The following SH3RF1 variants were observed in gnomAD, a reference collection of about 807,000 sequenced individuals.
SH3RF1 encodes SH3 domain containing ring finger 1, also known as E3 ubiquitin-protein ligase SH3RF1.
SH3RF1 carries 32 observed loss-of-function variants against 74.0 expected under a neutral mutation model. That is an observed-to-expected ratio of 0.43 (90% confidence interval 0.33 to 0.58). The LOEUF is 0.58. Ranked by LOEUF, SH3RF1 falls within the 20% of genes least tolerant of loss-of-function variation. The pLI, the probability that SH3RF1 is intolerant of heterozygous loss-of-function variation, is 0.05. For missense variants in SH3RF1, 954 were observed against 1,130.9 expected (o/e 0.84, Z 2.24); for synonymous variants, 396 against 439.6 (o/e 0.90, Z 1.24).
At chr4:169,123,343 A>G (rs1325701253) in intron 6 of SH3RF1, among the ~76,000 whole-genome samples, 1 of 152,234 alleles carries the variant, frequency 6.6e-6, no homozygotes, top group Non-Finnish European at 1.5e-5. Flanking sequence ...AACTGAGTGG[A>G]AAAAAATTTC....
At chr4:169,270,408 C>T (rs1731428325) in intron 1 of SH3RF1, among the ~76,000 whole-genome samples, 1 of 152,228 alleles carries the variant, frequency 6.6e-6, no homozygotes, top group Admixed American at 6.5e-5. Flanking sequence ...TACAGCCTCC[C>T]TCATCTCCGC....
At chr4:169,131,752 C>A (rs1470475911) in intron 5 of SH3RF1, among the ~76,000 whole-genome samples, 1 of 152,218 alleles carries the variant, frequency 6.6e-6, no homozygotes, top group Non-Finnish European at 1.5e-5. Flanking sequence ...CTTTCTGTAA[C>A]CAATCAGCCA....
At chr4:169,131,274 A>G (rs1454931914) in intron 5 of SH3RF1, among the ~76,000 whole-genome samples, 1 of 152,184 alleles carries the variant, frequency 6.6e-6, no homozygotes, top group Admixed American at 6.5e-5. Context: ...ATCTGTATCT[A>G]TTAGTCTATA....
intron 2 of SH3RF1, among the ~76,000 whole-genome samples, chr4:169,201,623 C>T (rs1413575082): frequency 6.6e-6 from 1 of 152,172 alleles, no homozygotes; most frequent in Non-Finnish European, 1.5e-5. Flanking sequence ...AGCATTTTGT[C>T]TCTTTAGGCA....
intron 2 of SH3RF1, among the ~76,000 whole-genome samples, chr4:169,173,999 T>TTACATA (rs1554007122): frequency 1.2e-4 from 18 of 149,180 alleles, no homozygotes; most frequent in Middle Eastern, 3.5e-3. Context: ...ATTTCCTGAG[T>TTACATA]TATATATATA....
chr4:169,157,736 ACTTTTTTTTT>A (rs1250616848), intron 2 of SH3RF1, among the ~76,000 whole-genome samples: 2 of 146,926 alleles, frequency 1.4e-5, no homozygotes, highest in African/African-American at 2.6e-5. Context: ...TCAAGCTTTT[ACTTTTTTTTT>A]CTTTTTTTTT....
chr4:169,224,218 T>C (rs1317255935), intron 2 of SH3RF1, among the ~76,000 whole-genome samples: 2 of 152,102 alleles, frequency 1.3e-5, no homozygotes, highest in Admixed American at 1.3e-4. Context: ...CTTGTGGTCA[T>C]AAATATGATT....
chr4:169,212,275 G>A (rs916595253), intron 2 of SH3RF1, among the ~76,000 whole-genome samples: 1 of 151,698 alleles, frequency 6.6e-6, no homozygotes, highest in Admixed American at 6.6e-5. Flanking sequence ...TGTTGGTCAG[G>A]CTGGTCTTAA....
Position 169,269,165 on chromosome 4 carries a change from T to G in SH3RF1, c.48A>C (p.Leu16=), listed in dbSNP as rs1363807922. 9 of 1,609,460 alleles carry G rather than the reference T, an allele frequency of 5.6e-6. No homozygotes were observed. In the South Asian group the frequency reaches 7.7e-5, roughly 14 times the overall value. ...CCTTCGCAGAAGCATCAAGGCGCTC[T>G]AGACACACCGGACACTCCAAAAGAT... ...LLDLLECPVC[L]ERLDASAKVL... Residue 16 remains leucine (L), a synonymous_variant, in exon 2 of 12, where the codon CTA becomes CTC. Coordinates refer to ENST00000284637, the MANE Select transcript of SH3RF1 (RefSeq NM_020870.4).
At chr4:169,153,867 T>A (rs546757159) in intron 4 of SH3RF1, among the ~76,000 whole-genome samples, 1 of 152,164 alleles carries the variant, frequency 6.6e-6, no homozygotes, top group Non-Finnish European at 1.5e-5. Context: ...TAAGTCAGAG[T>A]AAATAATCCT....
rs770333018 is a variant in SH3RF1, at chr4:169,156,582, C to A, written c.491G>T (p.Arg164Leu). 1 of 1,613,956 alleles carries A rather than the reference C, an allele frequency of 6.2e-7. No individual in the cohort carries two copies. The highest frequency in any genetic ancestry group is 8.5e-7 in the Non-Finnish European group (1 of 1,179,954). The change falls in exon 3 of 12, where the codon CGA (arginine) becomes CTA (leucine). Residue 164 changes from arginine to leucine, a missense_variant. Physicochemically the swap from Arg to Leu is moderately radical, Grantham distance 102 (BLOSUM62 -2). Around this residue, in one of 3 missense-constraint regions of SH3RF1, gnomAD observed 854 missense variants for 962.5 expected, o/e 0.89. Coordinates refer to ENST00000284637, the MANE Select transcript of SH3RF1 (RefSeq NM_020870.4). ...GTACCAATTTTCATCCACTTGTCTTCGCAAAATGATGATGTCACCTTTGCT... is the reference window on the plus strand; with the variant it reads ...GTACCAATTTTCATCCACTTGTCTTAGCAAAATGATGATGTCACCTTTGCT... ...KFSKGDIIIL[R>L]RQVDENWYHG...
intron 2 of SH3RF1, among the ~76,000 whole-genome samples, chr4:169,267,373 T>G (rs908954183): frequency 1.3e-5 from 2 of 152,224 alleles, no homozygotes; most frequent in African/African-American, 4.8e-5. Flanking sequence ...TTTATTAAGC[T>G]AAACAGACCT....
At chr4:169,193,801 C>G (rs1289891755) in intron 2 of SH3RF1, among the ~76,000 whole-genome samples, 1 of 152,186 alleles carries the variant, frequency 6.6e-6, no homozygotes, top group Non-Finnish European at 1.5e-5. Context: ...GTGATGAAAA[C>G]AGATAGAGTC....
intron 2 of SH3RF1, among the ~76,000 whole-genome samples, chr4:169,239,964 C>G (rs1458874052): frequency 6.6e-6 from 1 of 152,092 alleles, no homozygotes; most frequent in Non-Finnish European, 1.5e-5. Context: ...TCAGAGGCTG[C>G]AGTGAGCCAA....
chr4:169,101,606 T>G (rs1002956601), intron 11 of SH3RF1, among the ~76,000 whole-genome samples: 2 of 150,856 alleles, frequency 1.3e-5, no homozygotes, highest in Non-Finnish European at 2.9e-5. Flanking sequence ...TAAATTTTCA[T>G]GTATACTTTA....
At chr4:169,135,392 G>A (rs1490847554) in intron 5 of SH3RF1, among the ~76,000 whole-genome samples, 1 of 152,046 alleles carries the variant, frequency 6.6e-6, no homozygotes, top group Non-Finnish European at 1.5e-5. Flanking sequence ...TGGTGGAGCA[G>A]AATGTAAAAT....
At chr4:169,260,176 G>A (rs1731254909) in intron 2 of SH3RF1, among the ~76,000 whole-genome samples, 1 of 152,116 alleles carries the variant, frequency 6.6e-6, no homozygotes, top group South Asian at 2.1e-4. Context: ...AAATAGTCAG[G>A]GGCTTGAACT....
rs753900998 is a variant in SH3RF1 at position 169,106,835 on chromosome 4, A to G, written c.2498+12T>C. 6.5e-7 allele frequency: 1 copy of G among 1,535,244 alleles called. No homozygotes were observed. The highest frequency in any genetic ancestry group is 2.3e-5 in the East Asian group (1 of 43,640). On this transcript the variant is annotated intron_variant, in intron 11 of 11. Coordinates refer to ENST00000284637, the MANE Select transcript of SH3RF1 (RefSeq NM_020870.4). ...ATTTTTTAGTTTTTTCCTGGAACGA[A>G]GTTGAACTTACCTTTCACAAACGAC...
At chr4:169,127,845 T>C (rs1733552148) in intron 6 of SH3RF1, among the ~76,000 whole-genome samples, 1 of 152,216 alleles carries the variant, frequency 6.6e-6, no homozygotes, top group South Asian at 2.1e-4. Context: ...CCTTATGTCT[T>C]TTCCCACTAC....
Sources: gnomAD v4.1 joint callset for allele counts (sites outside exome capture counted in the v4.1 genomes callset) on GRCh38, gnomAD v4.1.1 for gene constraint, gnomAD v4.1.1 regional missense constraint, MANE v1.5 for transcripts, NCBI Gene and HGNC (gene_info 2026-07-23, HGNC 2026-07-21) for gene names.